Variants in HYDIN observed in about 807,000 individuals in gnomAD.
HYDIN encodes the protein axonemal central pair apparatus protein HYDIN.
HYDIN carries 132 observed loss-of-function variants against 403.9 expected under a neutral mutation model. That is an observed-to-expected ratio of 0.33 (90% confidence interval 0.28 to 0.38). HYDIN has a LOEUF of 0.38. Among genes scored for constraint, HYDIN ranks in the 10% least tolerant of loss-of-function variants. The pLI, the probability that HYDIN is intolerant of heterozygous loss-of-function variation, is 1.00. For synonymous variants in HYDIN, 1,202 were observed against 1,891.7 expected (o/e 0.64, Z 9.46); for missense variants, 2,827 against 5,009.5 (o/e 0.56, Z 13.15).
chr16:70,879,046 C>CA (rs1241942022), intron 62 of HYDIN, among the ~76,000 whole-genome samples: 1 of 150,906 alleles, frequency 6.6e-6, no homozygotes, highest in East Asian at 1.9e-4. Context: ...CCTACCCACT[C>CA]AGCTTGGTGC....
At chr16:70,824,925 C>T (rs1043697944) in intron 83 of HYDIN, among the ~76,000 whole-genome samples, 2 of 152,058 alleles carry the variant, frequency 1.3e-5, no homozygotes, top group African/African-American at 4.8e-5. Flanking sequence ...CCTCAGCTCA[C>T]TGCAACCTCA....
intron 2 of HYDIN, among the ~76,000 whole-genome samples, chr16:71,186,420 T>A (rs1328892595): frequency 3.3e-5 from 5 of 152,134 alleles, no homozygotes; most frequent in Non-Finnish European, 5.9e-5. Context: ...TTAGGTTGAA[T>A]CCTATGAAAT....
At chr16:71,040,501 C>T (rs12149036) in intron 18 of HYDIN, among the ~76,000 whole-genome samples, 3 of 147,074 alleles carry the variant, frequency 2.0e-5, no homozygotes, top group Non-Finnish European at 3.0e-5. Flanking sequence ...CCCTCCCCCC[C>T]ACACACACAA....
chr16:70,964,676 G>C (rs909351176), intron 37 of HYDIN, 52 bp downstream of exon 37: 32 of 1,568,732 alleles, frequency 2.0e-5, no homozygotes, highest in Non-Finnish European at 2.8e-5. Flanking sequence ...GGGTAATTCA[G>C]AGGGGCAAAG....
chr16:71,185,840 T>C (rs1311479799), intron 2 of HYDIN, among the ~76,000 whole-genome samples: 1 of 152,178 alleles, frequency 6.6e-6, no homozygotes. Flanking sequence ...TGAGGGTATA[T>C]AACTTAGCTG....
At chr16:71,005,283 T>C (rs975477568) in intron 23 of HYDIN, among the ~76,000 whole-genome samples, 15 of 152,150 alleles carry the variant, frequency 9.9e-5, no homozygotes, top group African/African-American at 3.4e-4. Flanking sequence ...GTCCAATACA[T>C]AGCCACTAGC....
rs1190954398 is a variant in HYDIN, at chr16:71,117,975, T to C, written c.1228-2180A>G. Among the ~76,000 whole-genome samples, 3 of 151,986 alleles carry C rather than the reference T, an allele frequency of 2.0e-5. No individual in the cohort carries two copies. The East Asian group carries it at 5.8e-4, about 29-fold the overall frequency. On this transcript the variant is annotated intron_variant, in intron 9 of 85. Transcript: ENST00000393567. Reference sequence around the variant, plus strand: ...TATGCAGGTATGATACCTCGGGCCATTGCTCTGTTTTTATAGAGTAAGAAT... The same window carrying C: ...TATGCAGGTATGATACCTCGGGCCACTGCTCTGTTTTTATAGAGTAAGAAT...
intron 1 of HYDIN, among the ~76,000 whole-genome samples, chr16:71,226,564 T>C (rs764364770): frequency 1.3e-5 from 2 of 152,102 alleles, no homozygotes; most frequent in African/African-American, 4.8e-5. Flanking sequence ...AAAGAAAAAA[T>C]TAGTAAGATT....
chr16:71,179,519 C>T (rs2086816647), intron 3 of HYDIN, among the ~76,000 whole-genome samples: 1 of 152,078 alleles, frequency 6.6e-6, no homozygotes, highest in Non-Finnish European at 1.5e-5. Context: ...CTTAGAAGTT[C>T]AGAGATGCAG....
intron 19 of HYDIN, among the ~76,000 whole-genome samples, chr16:71,029,090 G>A (rs2080817066): frequency 6.6e-6 from 1 of 152,090 alleles, no homozygotes; most frequent in African/African-American, 2.4e-5. Flanking sequence ...ATTAGAAGCG[G>A]CAGCGTATGG....
Position 71,222,375 on chromosome 16 carries a change from C to A in HYDIN, c.-24+8187G>T, listed in dbSNP as rs189510686. Among the ~76,000 whole-genome samples, 5 of 152,258 alleles carry A rather than the reference C, an allele frequency of 3.3e-5. No individual in the cohort carries two copies. The East Asian group carries it at 9.6e-4, about 29-fold the overall frequency. ...CCATATACGACAAACCCACAGCCAA[C>A]ATCATACTGAATGCAGAAAAGTTGA... On this transcript the variant is annotated intron_variant, in intron 1 of 85. Transcript: ENST00000393567.
intron 6 of HYDIN, among the ~76,000 whole-genome samples, chr16:71,156,765 T>G (rs1236936334): frequency 1.3e-5 from 2 of 151,926 alleles, no homozygotes; most frequent in African/African-American, 4.8e-5. Flanking sequence ...CTTGTTTAAT[T>G]CCTTACTTGA....
chr16:71,204,385 G>A (rs2088182958), intron 1 of HYDIN, among the ~76,000 whole-genome samples: 2 of 152,112 alleles, frequency 1.3e-5, no homozygotes, highest in South Asian at 4.1e-4. Context: ...TAGAGAAAGG[G>A]ACCAGTGCTT....
At chr16:70,906,124 A>G (rs2076529714) in intron 50 of HYDIN, among the ~76,000 whole-genome samples, 1 of 152,058 alleles carries the variant, frequency 6.6e-6, no homozygotes, top group Non-Finnish European at 1.5e-5. Flanking sequence ...CTCCCTGCCT[A>G]TATGATAAGA....
In HYDIN at chr16:70,943,936, G is replaced by A; in HGVS notation, c.6545C>T (p.Pro2182Leu). 3 of 1,608,214 alleles carry A rather than the reference G, an allele frequency of 1.9e-6. No individual in the cohort carries two copies. The highest frequency in any genetic ancestry group is 2.5e-6 in the Non-Finnish European group (3 of 1,177,492). The change falls in exon 42 of 86, where the codon CCT (proline) becomes CTT (leucine). Residue 2182 changes from proline (P) to leucine (L), a missense_variant. Transcript: ENST00000393567. ...QSETPQISSS[P>L]LPPGPIHRWL... is the part of the protein sequence containing the mutation. The stretch of plus-strand genomic sequence containing the variant: ...GCGGTGGATGGGCCCCGGGGGGAGA[G>A]GGCTGGAGGAAATCTGTTGAGTGGG...
chr16:70,950,015 G>C (rs1442781496), intron 41 of HYDIN, among the ~76,000 whole-genome samples: 1 of 150,786 alleles, frequency 6.6e-6, no homozygotes, highest in Non-Finnish European at 1.5e-5. Flanking sequence ...AAAAGAGGGT[G>C]AAAAGGATAG....
chr16:71,098,351 G>A (rs1467061086), intron 10 of HYDIN, among the ~76,000 whole-genome samples: 26 of 151,660 alleles, frequency 1.7e-4, no homozygotes, highest in East Asian at 3.9e-4. Context: ...ACAGACGCCC[G>A]CCACCACGCC....
In HYDIN at chr16:70,896,048, A is replaced by G. The variant is rs1170096113; in HGVS notation, c.9081T>C (p.Val3027=). 1.9e-6 allele frequency: 3 copies of G among 1,613,202 alleles called. No individual in the cohort carries two copies. ...CAAAGACCATGATATTTTCAATCTG[A>G]ACAACACCAAGAAGATTTTCTGCAT... ...VLDAENLLGV[V]QIENIMVFAE... Residue 3027 remains valine (V), a synonymous_variant, in exon 54 of 86, where the codon GTT becomes GTC. Coordinates refer to ENST00000393567, the MANE Select transcript of HYDIN (RefSeq NM_001270974.2).
At chr16:71,078,643 G>A (rs1046421515) in intron 13 of HYDIN, among the ~76,000 whole-genome samples, 5 of 152,010 alleles carry the variant, frequency 3.3e-5, no homozygotes, top group Non-Finnish European at 7.4e-5. Context: ...TAGCTGGGGC[G>A]ACAGGTACGT....
Sources: allele counts gnomAD v4.1 joint callset (sites outside exome capture counted in the v4.1 genomes callset), GRCh38; gene constraint gnomAD v4.1.1; transcripts MANE v1.5; gene names NCBI Gene and HGNC (gene_info 2026-07-23, HGNC 2026-07-21).